Variants in TRPM1 observed in about 807,000 individuals in gnomAD.
The protein encoded by TRPM1 is TRPM1-203 APA Isoform, Intron 10.
A neutral mutation model predicts 149.4 loss-of-function variants in TRPM1; 113 were observed. That is an observed-to-expected ratio of 0.76 (90% confidence interval 0.65 to 0.88). TRPM1 has a LOEUF of 0.88. TRPM1 is among the 40% of genes least tolerant of loss of function. TRPM1 has a pLI of 0.00. For synonymous variants in TRPM1, 741 were observed against 759.5 expected, an observed-to-expected ratio of 0.98 and a Z score of 0.40; for missense variants, 1,976 against 2,038.7, an observed-to-expected ratio of 0.97 and a Z score of 0.59.
rs61039099 is a variant in TRPM1, at chr15:31,072,018, T to TAGAG, written c.84-1796_84-1793dup. ...ATATATATATATATATATATATATATAGAGAGAGAGAGAGAGAGAGAGAGA... is the reference window on the plus strand; with the variant it reads ...ATATATATATATATATATATATATATAGAGAGAGAGAGAGAGAGAGAGAGAGAGA... On this transcript the variant is annotated intron_variant, in intron 3 of 27. Transcript: ENST00000256552. Among the ~76,000 whole-genome samples the TAGAG allele has an allele frequency of 7.0e-3, 256 of 36,830 alleles. 5 individuals carry two copies. Among genetic ancestry groups the TAGAG allele is most frequent in the Non-Finnish European group, 7.7e-3 (165 of 21,452 alleles). 24.2% of individuals were successfully genotyped at this position (36,830 alleles called of 152,430 possible). A position where few individuals can be genotyped will look rare whatever the true frequency, so the allele number is the denominator to read the frequency against.
intron 27 of TRPM1, among the ~76,000 whole-genome samples, chr15:31,006,338 T>A (rs985351864): frequency 2.6e-5 from 4 of 152,108 alleles, no homozygotes; most frequent in African/African-American, 9.7e-5. Flanking sequence ...CCACCATGCC[T>A]GACTAATTTT....
chr15:31,149,569 G>T (rs1465642964), intron 1 of TRPM1, among the ~76,000 whole-genome samples: 2 of 149,054 alleles, frequency 1.3e-5, no homozygotes, highest in African/African-American at 5.0e-5. Context: ...GCCCAGGCTG[G>T]ACTGCAGTGG....
At chr15:31,075,355 T>C (rs781216700) in intron 3 of TRPM1, among the ~76,000 whole-genome samples, 2 of 152,234 alleles carry the variant, frequency 1.3e-5, no homozygotes, top group African/African-American at 2.4e-5. Flanking sequence ...GGTGCTGTTT[T>C]AGGTACATAT....
chr15:31,032,427 A>C (rs1270151545), intron 22 of TRPM1, among the ~76,000 whole-genome samples: 2 of 152,184 alleles, frequency 1.3e-5, no homozygotes, highest in Non-Finnish European at 2.9e-5. Context: ...ACATATATAC[A>C]GTGAATGTAT....
chr15:31,024,639 TA>T (rs1316552047), intron 27 of TRPM1, among the ~76,000 whole-genome samples: 15 of 151,990 alleles, frequency 9.9e-5, no homozygotes, highest in African/African-American at 3.4e-4. Context: ...CCAAGAATGG[TA>T]AAAATCCAAG....
chr15:31,112,942 G>A (rs1048343798), intron 1 of TRPM1, among the ~76,000 whole-genome samples: 3 of 152,056 alleles, frequency 2.0e-5, no homozygotes, highest in Non-Finnish European at 4.4e-5. Flanking sequence ...TTCACATAAC[G>A]AAAGTATCAC....
chr15:31,029,487 A>C, intron 23 of TRPM1, 96 bp from the exon 24 acceptor site: 2 of 1,258,650 alleles, frequency 1.6e-6, no homozygotes, highest in Non-Finnish European at 2.3e-6. Flanking sequence ...AAAGTAAAAC[A>C]AGTGGTTTAA....
chr15:31,050,357 C>T, intron 12 of TRPM1, 52 bp downstream of exon 12: 16 of 1,613,928 alleles, frequency 9.9e-6, no homozygotes, highest in East Asian at 2.2e-5. Flanking sequence ...ACCATCCCTT[C>T]CCCTGGGGAA....
intron 1 of TRPM1, among the ~76,000 whole-genome samples, chr15:31,152,570 G>A (rs2036318266): frequency 6.6e-6 from 1 of 152,154 alleles, no homozygotes; most frequent in East Asian, 1.9e-4. Context: ...GGGAAGCAGG[G>A]GATTTGGACA....
At chr15:31,136,027 TC>T (rs765198462) in intron 1 of TRPM1, among the ~76,000 whole-genome samples, 10 of 152,184 alleles carry the variant, frequency 6.6e-5, no homozygotes, top group Non-Finnish European at 1.3e-4. Flanking sequence ...TAATTTTAGT[TC>T]AGTAAAAACA....
chr15:31,118,997 T>C (rs2035840140), intron 1 of TRPM1, among the ~76,000 whole-genome samples: 1 of 152,030 alleles, frequency 6.6e-6, no homozygotes, highest in Non-Finnish European at 1.5e-5. Flanking sequence ...CCCAGCACTT[T>C]GGGAGGCCGA....
chr15:31,039,319 G>T (rs895497243), intron 18 of TRPM1, among the ~76,000 whole-genome samples: 2 of 152,082 alleles, frequency 1.3e-5, no homozygotes, highest in Non-Finnish European at 2.9e-5. Flanking sequence ...TCTGAAAACT[G>T]TTTATTAATA....
Position 31,132,968 on chromosome 15 carries a change from T to C in TRPM1, c.54+27938A>G, listed in dbSNP as rs75006524. On this transcript the variant is annotated intron_variant, in intron 1 of 26. Transcript: ENST00000542188. ...AATGTAAGTCCATTAAATGTCTTTC[T>C]TTTTAAAATTACCTAGTCTCAGGGA... Among the ~76,000 whole-genome samples the C allele has an allele frequency of 4.2e-3, 642 of 152,348 alleles. 3 individuals are homozygous for C. The highest frequency in any genetic ancestry group is 0.014 in the African/African-American group (599 of 41,582).
At chr15:31,047,294 G>C (rs199596432) in intron 14 of TRPM1, 43 bp from the exon 15 acceptor site, 1 of 1,613,148 alleles carries the variant, frequency 6.2e-7, no homozygotes, top group Admixed American at 1.7e-5. Flanking sequence ...GAATGCGTTC[G>C]CAGTGTGGAC....
chr15:31,015,990 G>A (rs2032343775), intron 27 of TRPM1, among the ~76,000 whole-genome samples: 1 of 152,006 alleles, frequency 6.6e-6, no homozygotes, highest in Non-Finnish European at 1.5e-5. Context: ...CAAATGCCAA[G>A]GCATTTGATG....
At chr15:31,026,884 C>G (rs2140900539) in intron 26 of TRPM1, 31 bp downstream of exon 26, 1 of 1,608,016 alleles carries the variant, frequency 6.2e-7, no homozygotes, top group Non-Finnish European at 8.5e-7. Flanking sequence ...TGAAATCAGC[C>G]CAACTTAGAA....
chr15:31,033,575 G>A (rs1438690992), intron 21 of TRPM1, among the ~76,000 whole-genome samples: 1 of 152,220 alleles, frequency 6.6e-6, no homozygotes, highest in Non-Finnish European at 1.5e-5. Context: ...ACCACACTGG[G>A]ATGGAGGGTT....
chr15:31,063,469 CT>C (rs2034291845), intron 7 of TRPM1, among the ~76,000 whole-genome samples, 177 bp from the exon 8 acceptor site: 1 of 151,826 alleles, frequency 6.6e-6, no homozygotes, highest in African/African-American at 2.4e-5. Flanking sequence ...TTTCTTTTTT[CT>C]TTTTTGAGAC....
chr15:31,160,812 G>A (rs981065399), intron 1 of TRPM1: 134 of 1,398,580 alleles, frequency 9.6e-5, no homozygotes, highest in East Asian at 8.9e-4. Flanking sequence ...GACAGGACCC[G>A]CTGGGCCAGC....
Sources: gnomAD v4.1 joint callset for allele counts (sites outside exome capture counted in the v4.1 genomes callset) on GRCh38, gnomAD v4.1.1 for gene constraint, MANE v1.5 for transcripts, NCBI Gene and HGNC (gene_info 2026-07-23, HGNC 2026-07-21) for gene names.